CCDC73: variants seen among roughly 807,000 people sequenced by gnomAD.
CCDC73 encodes the protein coiled-coil domain containing 73.
CCDC73 carries 95 observed loss-of-function variants against 116.5 expected under a neutral mutation model. That is an observed-to-expected ratio of 0.82 (90% CI 0.69 to 0.97). CCDC73 has a LOEUF of 0.97. Among genes scored for constraint, CCDC73 ranks in the 50% least tolerant of loss-of-function variants. The pLI is 0.00. For missense variants in CCDC73, 1,066 were observed against 1,206.8 expected (o/e 0.88, Z 1.73); for synonymous variants, 398 against 401.3 (o/e 0.99, Z 0.10).
In CCDC73 at chr11:32,725,884, T is replaced by C. The variant is rs542114658; in HGVS notation, c.136-7737A>G. Among the ~76,000 whole-genome samples the C allele has an allele frequency of 7.2e-5, 11 of 152,286 alleles. No individual in the cohort carries two copies. The South Asian group carries it at 1.0e-3, about 14-fold the overall frequency. The stretch of plus-strand genomic sequence containing the variant: ...AGATCCACCAGCAGTCTTATGAGGA[T>C]AGGCTTAGTGTTCAGGGCCCGCCAA... On this transcript the variant is annotated intron_variant, in intron 2 of 17. Coordinates refer to ENST00000335185, the MANE Select transcript of CCDC73 (RefSeq NM_001008391.4).
rs531122208 is a variant in CCDC73 at position 32,786,357 on chromosome 11, TA to T, written c.-16+8255del. ...TTATAATACTCAAGTATTTATTATA[TA>T]ATTATAATATATAATAAATATATTA... is the stretch of plus-strand genomic sequence containing the variant. On this transcript the variant is annotated intron_variant, in intron 1 of 17. Coordinates refer to ENST00000335185, the MANE Select transcript of CCDC73 (RefSeq NM_001008391.4). Among the ~76,000 whole-genome samples, 260 of 107,828 alleles carry T rather than the reference TA, an allele frequency of 2.4e-3. 1 individual carries two copies. Among genetic ancestry groups the T allele is most frequent in the South Asian group, 8.5e-3 (29 of 3,400 alleles). 70.7% of individuals were successfully genotyped at this position (107,828 alleles called of 152,430 possible).
rs375013908 is a variant in CCDC73 at position 32,613,847 on chromosome 11, T to C, written c.2471A>G (p.Asn824Ser). The change falls in exon 16 of 18, where the codon AAT (asparagine) becomes AGT (serine). Residue 824 changes from asparagine to serine, a missense_variant. Coordinates refer to ENST00000335185, the MANE Select transcript of CCDC73 (RefSeq NM_001008391.4). ...DENQVTEATKNDLFLFVSINE... is the reference protein window; with the variant it reads ...DENQVTEATKSDLFLFVSINE... ...AATGCTCACAAAAAGGAAGAGGTCA[T>C]TTTTTGTGGCTTCAGTTACCTGATT... The C allele has an allele frequency of 1.2e-6, 2 of 1,613,482 alleles. No homozygotes were observed. The highest frequency in any genetic ancestry group is 2.7e-5 in the African/African-American group (2 of 74,936).
intron 1 of CCDC73, among the ~76,000 whole-genome samples, chr11:32,763,723 G>A (rs542484937): frequency 6.6e-6 from 1 of 152,356 alleles, no homozygotes; most frequent in African/African-American, 2.4e-5. Context: ...CCCTCCAACG[G>A]AACGCAGCTC....
chr11:32,770,532 A>T (rs1258401772), intron 1 of CCDC73, among the ~76,000 whole-genome samples: 1 of 152,168 alleles, frequency 6.6e-6, no homozygotes, highest in Non-Finnish European at 1.5e-5. Flanking sequence ...CAAAACAAGG[A>T]TGCTATGAAA....
intron 1 of CCDC73, among the ~76,000 whole-genome samples, chr11:32,774,023 T>C (rs7944538): frequency 0.16 from 23,827 of 152,060 alleles, 1,989 homozygotes; most frequent in South Asian, 0.27. Flanking sequence ...TAGAAGATGA[T>C]AGTAGAAAGT....
intron 2 of CCDC73, among the ~76,000 whole-genome samples, chr11:32,745,745 GT>G (rs140610634): frequency 0.62 from 70,213 of 113,818 alleles, 18,582 homozygotes; most frequent in East Asian, 0.74. Flanking sequence ...GTTTGTTTTG[GT>G]TTTTTTTTTT....
At chr11:32,680,684 A>G (rs1428606312) in intron 7 of CCDC73, 1 of 152,084 alleles carries the variant, frequency 6.6e-6, no homozygotes, top group East Asian at 1.9e-4. Flanking sequence ...TTACTTAAGG[A>G]GACTGATTTG....
the CCDC73 span, among the ~76,000 whole-genome samples, chr11:32,802,305 C>G: frequency 6.6e-6 from 1 of 151,968 alleles, no homozygotes; most frequent in East Asian, 1.9e-4. Flanking sequence ...AAGGCATGAC[C>G]AAAAAACACA....
chr11:32,626,602 C>A (rs1361377874), intron 14 of CCDC73, among the ~76,000 whole-genome samples: 5 of 152,166 alleles, frequency 3.3e-5, no homozygotes, highest in Non-Finnish European at 7.3e-5. Flanking sequence ...GTAACCAAAA[C>A]AGCATGGTAC....
At position 32,716,634 on chromosome 11, in the gene CCDC73, T is replaced by C. The variant is rs372794567; in HGVS notation, c.207+1442A>G. On this transcript the variant is annotated intron_variant, in intron 3 of 17. Transcript: ENST00000335185. ...TGGAGTGCAATGGCGCAAACATAGC[T>C]CACTACAGCCTCAAATTCCTGGGCT... Among the ~76,000 whole-genome samples the C allele has an allele frequency of 4.6e-5, 7 of 152,296 alleles. No homozygotes were observed. In the East Asian group the frequency reaches 1.2e-3, roughly 25 times the overall value.
chr11:32,687,686 A>G (rs2133300141), intron 6 of CCDC73, among the ~76,000 whole-genome samples: 1 of 152,298 alleles, frequency 6.6e-6, no homozygotes, highest in South Asian at 2.1e-4. Flanking sequence ...ATATATACAT[A>G]TATTTCCTAG....
intron 6 of CCDC73, among the ~76,000 whole-genome samples, chr11:32,686,270 G>T (rs1192052287): frequency 6.8e-6 from 1 of 147,852 alleles, no homozygotes; most frequent in Non-Finnish European, 1.5e-5. Flanking sequence ...TAACAAGGAT[G>T]GAAAAGATTA....
intron 1 of CCDC73, among the ~76,000 whole-genome samples, chr11:32,764,095 A>G (rs1001975650): frequency 6.6e-6 from 1 of 152,238 alleles, no homozygotes; most frequent in Non-Finnish European, 1.5e-5. Flanking sequence ...CAAAGCCTCC[A>G]AGAAATATGG....
chr11:32,644,084 A>C (rs201862), intron 12 of CCDC73, among the ~76,000 whole-genome samples: 110,807 of 152,016 alleles, frequency 0.73, 41,275 homozygotes, highest in African/African-American at 0.78. Flanking sequence ...CAGAATCAAC[A>C]TAAATGCTCA....
chr11:32,659,836 G>A (rs1002919874), intron 9 of CCDC73, among the ~76,000 whole-genome samples: 4 of 151,974 alleles, frequency 2.6e-5, no homozygotes, highest in Admixed American at 1.3e-4. Context: ...CCATTCTTGG[G>A]CCTCTTCCTT....
chr11:32,776,756 G>T (rs567594806), intron 1 of CCDC73, among the ~76,000 whole-genome samples: 11 of 151,340 alleles, frequency 7.3e-5, no homozygotes, highest in African/African-American at 2.4e-4. Context: ...TGAAAGGCAA[G>T]AACTGTTTTA....
intron 17 of CCDC73, among the ~76,000 whole-genome samples, chr11:32,609,488 T>C (rs576798300): frequency 1.3e-5 from 2 of 152,304 alleles, no homozygotes; most frequent in East Asian, 3.9e-4. Context: ...GTCAACATTT[T>C]GGTCAAAGCC....
intron 1 of CCDC73, among the ~76,000 whole-genome samples, chr11:32,789,621 A>G (rs534328148): frequency 6.6e-6 from 1 of 151,742 alleles, no homozygotes; most frequent in East Asian, 2.0e-4. Flanking sequence ...AAAAACAAAA[A>G]AATTCGCTGG....
At chr11:32,653,463 C>A (rs1855845113) in intron 11 of CCDC73, among the ~76,000 whole-genome samples, 1 of 152,122 alleles carries the variant, frequency 6.6e-6, no homozygotes, top group South Asian at 2.1e-4. Context: ...TTCTAAGACA[C>A]ATGTGAAGAA....
Sources: gnomAD v4.1 joint callset for allele counts (sites outside exome capture counted in the v4.1 genomes callset) on GRCh38, gnomAD v4.1.1 for gene constraint, MANE v1.5 for transcripts, NCBI Gene and HGNC (gene_info 2026-07-23, HGNC 2026-07-21) for gene names.